The following ZDHHC11 variants were observed in gnomAD, a reference collection of about 807,000 sequenced individuals.
The protein encoded by ZDHHC11 is palmitoyltransferase ZDHHC11.
ZDHHC11 carries 44 observed loss-of-function variants against 51.3 expected under a neutral mutation model. The ratio of observed to expected loss-of-function variants is 0.86; its 90% CI spans 0.67 to 1.10. ZDHHC11 has a LOEUF of 1.10. Ranked by LOEUF, ZDHHC11 falls within the 50% of genes least tolerant of loss-of-function variation. ZDHHC11 has a pLI of 0.00. For synonymous variants in ZDHHC11, 163 were observed against 222.0 expected (o/e 0.73, Z 2.36); for missense variants, 400 against 537.7 (o/e 0.74, Z 2.53).
In ZDHHC11 at chr5:837,480, T is replaced by A. The variant is rs1419273377; in HGVS notation, c.785A>T (p.Lys262Met). The change falls in exon 6 of 13, where the codon AAG (lysine) becomes ATG (methionine). Residue 262 changes from lysine to methionine, a missense_variant and splice_region_variant. Around this residue, in one of 5 missense-constraint regions of ZDHHC11, gnomAD observed 231 missense variants for 227.4 expected, o/e 1.02. Transcript: ENST00000283441. ...GQLLIFHIYL[K>M]AKKMTTFEYL... ...CTCAAAGGTGGTCATCTTCTTGGCC[T>A]CTGGAAAGGGAAAAGGAGGAACAGG... 1.9e-6 allele frequency: 3 copies of A among 1,607,854 alleles called. No homozygotes were observed. Among genetic ancestry groups the A allele is most frequent in the African/African-American group, 2.7e-5 (2 of 74,478 alleles).
At chr5:833,093 C>A (rs1452917396) in intron 7 of ZDHHC11, among the ~76,000 whole-genome samples, 4 of 152,012 alleles carry the variant, frequency 2.6e-5, no homozygotes, top group Non-Finnish European at 4.4e-5. Flanking sequence ...TATATATTTT[C>A]TTTGAATAAA....
In ZDHHC11 at chr5:837,644, G is replaced by A. The variant is rs1302292602; in HGVS notation, c.785-164C>T. On this transcript the variant is annotated intron_variant, in intron 5 of 12. Transcript: ENST00000283441. ...CCCTGTGAGGTCAGGATGAGTGCAG[G>A]TGCCTTGTGGGCCCAGTTCTGCAGC... Among the ~76,000 whole-genome samples, 28 of 151,702 alleles carry A rather than the reference G, an allele frequency of 1.8e-4. 1 individual carries two copies. The highest frequency in any genetic ancestry group is 3.4e-4 in the Non-Finnish European group (23 of 67,750).
intron 6 of ZDHHC11, among the ~76,000 whole-genome samples, chr5:837,084 C>T (rs534268490): frequency 0.038 from 5,717 of 151,812 alleles, 63 homozygotes; most frequent in African/African-American, 0.13. Context: ...AAGCACATTT[C>T]AACTTTGGAA....
chr5:834,001 G>A (rs1038643029), intron 6 of ZDHHC11, among the ~76,000 whole-genome samples, 194 bp from the exon 7 acceptor site: 1 of 152,292 alleles, frequency 6.6e-6, no homozygotes, highest in Non-Finnish European at 1.5e-5. Context: ...GAAACTGGGA[G>A]TGGGATTCTG....
At chr5:853,491 C>G (rs1342948339), upstream of ZDHHC11, among the ~76,000 whole-genome samples, 1 of 150,192 alleles carries the variant, frequency 6.7e-6, no homozygotes, top group East Asian at 2.0e-4. Flanking sequence ...GAGCACAGAC[C>G]CCACAGAGGA....
chr5:822,032 T>G, intron 8 of ZDHHC11, 137 bp from the exon 9 acceptor site: 1 of 722,058 alleles, frequency 1.4e-6, no homozygotes. Flanking sequence ...GATCATGGAA[T>G]AGGATCTCAG....
At chr5:840,207 T>C in intron 5 of ZDHHC11, 1 of 694,772 alleles carries the variant, frequency 1.4e-6, no homozygotes. Flanking sequence ...TTAAACTTGT[T>C]ACTTCAAGCA....
upstream of ZDHHC11, among the ~76,000 whole-genome samples, chr5:859,162 T>G (rs1487344819): frequency 6.6e-6 from 1 of 151,962 alleles, no homozygotes; most frequent in Non-Finnish European, 1.5e-5. Flanking sequence ...CTTGATCCGG[T>G]TTAGGTCAGC....
chr5:814,848 ATTAAAC>A, intron 10 of ZDHHC11, 53 bp from the exon 11 acceptor site: 2 of 1,463,354 alleles, frequency 1.4e-6, no homozygotes, highest in East Asian at 4.9e-5. Flanking sequence ...CCTTGTTGAC[ATTAAAC>A]TTATTCTTAA....
At chr5:800,453 C>A (rs1360825812) in intron 12 of ZDHHC11, among the ~76,000 whole-genome samples, 1 of 150,668 alleles carries the variant, frequency 6.6e-6, no homozygotes, top group East Asian at 1.9e-4. Flanking sequence ...ACAATCATGT[C>A]TCATGTTTCT....
At chr5:834,063 G>T (rs56989839) in intron 6 of ZDHHC11, among the ~76,000 whole-genome samples, 1 of 151,496 alleles carries the variant, frequency 6.6e-6, no homozygotes, top group Non-Finnish European at 1.5e-5. Context: ...GCTTTCCAGT[G>T]TGGTGGCACT....
At chr5:852,761 G>A (rs1300588650), upstream of ZDHHC11, among the ~76,000 whole-genome samples, 1 of 143,540 alleles carries the variant, frequency 7.0e-6, no homozygotes, top group Non-Finnish European at 1.5e-5. Context: ...ACCCCATGGA[G>A]GACAGCGAGC....
intron 7 of ZDHHC11, among the ~76,000 whole-genome samples, chr5:828,707 T>C (rs1742671547): frequency 6.6e-6 from 1 of 150,972 alleles, no homozygotes; most frequent in Non-Finnish European, 1.5e-5. Context: ...TACATTCTTT[T>C]CATCAGTACA....
Position 795,683 on chromosome 5 carries a change from A to T in ZDHHC11, c.*905T>A, listed in dbSNP as rs1347853821. 6.5e-6 allele frequency: 1 copy of T among 154,222 alleles called. No homozygotes were observed. Among genetic ancestry groups the T allele is most frequent in the Non-Finnish European group, 1.5e-5 (1 of 67,942 alleles). The allele number at this position is 154,222 out of a possible 1,614,324, so 9.6% of individuals were successfully genotyped here. A position where few individuals can be genotyped will look rare whatever the true frequency, so the allele number is the denominator to read the frequency against. On this transcript the variant is annotated 3_prime_UTR_variant, in exon 13 of 13. Transcript: ENST00000283441. The stretch of plus-strand genomic sequence containing the variant: ...GACTACTAAACAGATTAAAATGCAG[A>T]GTTCATTAAAATACAGAGGATGCCT...
intron 5 of ZDHHC11, among the ~76,000 whole-genome samples, chr5:838,588 G>A (rs192191582): frequency 1.2e-4 from 19 of 152,254 alleles, no homozygotes; most frequent in Admixed American, 2.6e-4. Flanking sequence ...ACTGCCCAGG[G>A]AGGCTCTGGG....
intron 8 of ZDHHC11, 112 bp from the exon 9 acceptor site, chr5:822,007 C>T (rs1741638362): frequency 1.1e-6 from 1 of 940,060 alleles, no homozygotes; most frequent in Non-Finnish European, 1.6e-6. Context: ...AGTAATGGTA[C>T]ATCAAGGTTG....
At chr5:813,754 T>C (rs957856014) in intron 11 of ZDHHC11, among the ~76,000 whole-genome samples, 1 of 145,742 alleles carries the variant, frequency 6.9e-6, no homozygotes, top group Admixed American at 6.8e-5. Flanking sequence ...GGGCTTCCCC[T>C]GTGGGGCCGG....
intron 7 of ZDHHC11, among the ~76,000 whole-genome samples, chr5:827,352 C>T (rs1194823317): frequency 6.6e-6 from 1 of 150,658 alleles, no homozygotes; most frequent in East Asian, 1.9e-4. Flanking sequence ...CAACAACTAG[C>T]ATGATCAATA....
At chr5:802,218 T>C (rs1738524859) in intron 11 of ZDHHC11, among the ~76,000 whole-genome samples, 1 of 150,972 alleles carries the variant, frequency 6.6e-6, no homozygotes, top group Admixed American at 6.6e-5. Flanking sequence ...TAGGCAACAA[T>C]GGGAGTGTCT....
Sources: gnomAD v4.1 joint callset for allele counts (sites outside exome capture counted in the v4.1 genomes callset) on GRCh38, gnomAD v4.1.1 for gene constraint, gnomAD v4.1.1 regional missense constraint, MANE v1.5 for transcripts, NCBI Gene and HGNC (gene_info 2026-07-23, HGNC 2026-07-21) for gene names.